The following PDS5A variants were observed in gnomAD, a reference collection of about 807,000 sequenced individuals.
PDS5A encodes PDS5 cohesin associated factor A, also known as sister chromatid cohesion protein PDS5 homolog A.
PDS5A carries 42 observed loss-of-function variants against 167.1 expected under a neutral mutation model. That is an observed-to-expected ratio of 0.25 (90% confidence interval 0.20 to 0.33). The LOEUF is 0.33. Among genes scored for constraint, PDS5A ranks in the 10% least tolerant of loss-of-function variants. The pLI, the probability that PDS5A is intolerant of heterozygous loss-of-function variation, is 1.00. For synonymous variants in PDS5A, 553 were observed against 554.6 expected (o/e 1.00, Z 0.04); for missense variants, 1,033 against 1,605.9 (o/e 0.64, Z 6.10).
intron 2 of PDS5A, among the ~76,000 whole-genome samples, chr4:39,963,561 G>C (rs1319126200): frequency 6.6e-6 from 1 of 151,802 alleles, no homozygotes; most frequent in African/African-American, 2.4e-5. Flanking sequence ...GAAATAAACG[G>C]TTGACTGGGC....
intron 11 of PDS5A, among the ~76,000 whole-genome samples, chr4:39,905,560 C>T (rs1162677021): frequency 6.6e-6 from 1 of 151,288 alleles, no homozygotes; most frequent in Non-Finnish European, 1.5e-5. Context: ...TCTGTCTCAA[C>T]AAAAAAACAA....
At chr4:39,855,332 G>C (rs1229423950) in intron 26 of PDS5A, among the ~76,000 whole-genome samples, 1 of 152,170 alleles carries the variant, frequency 6.6e-6, no homozygotes, top group Non-Finnish European at 1.5e-5. Context: ...CAGAATGGTG[G>C]ACTGCGCCCT....
At position 39,976,446 on chromosome 4, in the gene PDS5A, G is replaced by T; in HGVS notation, c.132C>A (p.Arg44=). 6.2e-7 allele frequency: 1 copy of T among 1,612,196 alleles called. No homozygotes were observed. Residue 44 remains arginine (R), a synonymous_variant, in exon 2 of 33, where the codon CGC becomes CGA. Transcript: ENST00000303538. ...AATCCGTCCAGACACTTACCTTCAG[G>T]CGTTTGATCATCTCGTCCGTGGTGA... is the stretch of plus-strand genomic sequence containing the variant. The part of the protein sequence containing the change: ...DKITTDEMIK[R]LKMVVKTFMD...
At position 39,898,450 on chromosome 4, in the gene PDS5A, C is replaced by T. The variant is rs185272845; in HGVS notation, c.1709G>A (p.Arg570Gln). Reference sequence around the variant, plus strand: ...GCTAATTAATAACTCCAACTGAGACCGAAGTTTCTCATCATCGCCGAGAAC... The same window carrying T: ...GCTAATTAATAACTCCAACTGAGACTGAAGTTTCTCATCATCGCCGAGAAC... ...NQVLGDDEKLRSQLELLISPT... is the reference protein window; with the variant it reads ...NQVLGDDEKLQSQLELLISPT... Residue 570 changes from arginine (R) to glutamine (Q), a missense_variant, in exon 16 of 33, where the codon CGG (arginine) becomes CAG (glutamine). Transcript: ENST00000303538. 94 of 1,598,164 alleles carry T rather than the reference C, an allele frequency of 5.9e-5. No individual in the cohort carries two copies. The East Asian group carries it at 7.2e-4, about 12-fold the overall frequency.
At chr4:39,857,271 G>A (rs934470275) in intron 26 of PDS5A, among the ~76,000 whole-genome samples, 1 of 150,648 alleles carries the variant, frequency 6.6e-6, no homozygotes, top group Admixed American at 6.7e-5. Flanking sequence ...AGAATGGCGT[G>A]AACCCGGGAG....
chr4:39,829,506 G>C (rs1201953059), intron 32 of PDS5A, among the ~76,000 whole-genome samples: 1 of 151,852 alleles, frequency 6.6e-6, no homozygotes, highest in Non-Finnish European at 1.5e-5. Flanking sequence ...AAATTAGCTG[G>C]TGTGGTGGCA....
intron 28 of PDS5A, 116 bp downstream of exon 28, chr4:39,848,735 C>T (rs1000393128): frequency 1.0e-5 from 9 of 895,634 alleles, no homozygotes; most frequent in Non-Finnish European, 1.2e-5. Flanking sequence ...TTTGATAAAC[C>T]CAGATTTTTT....
intron 32 of PDS5A, among the ~76,000 whole-genome samples, chr4:39,835,233 C>T (rs2109476829): frequency 6.6e-6 from 1 of 152,278 alleles, no homozygotes; most frequent in Admixed American, 6.5e-5. Flanking sequence ...GTGTGAGCCA[C>T]CGCACCTGGC....
Position 39,913,703 on chromosome 4 carries a change from T to C in PDS5A, c.900A>G (p.Leu300=). 2 of 1,602,578 alleles carry C rather than the reference T, an allele frequency of 1.2e-6. No individual in the cohort carries two copies. ...KLKSNDGEER[L]AVVRLLAKLF... ...ATTTAGCTAGAAGTCGAACAACAGC[T>C]AATCGCTCTTCTCCATCATTGCTCT... The change falls in exon 9 of 33, where the codon TTA becomes TTG. Residue 300 remains leucine, a synonymous_variant. Transcript: ENST00000303538.
intron 21 of PDS5A, among the ~76,000 whole-genome samples, chr4:39,869,973 G>A (rs1319643330): frequency 1.3e-5 from 2 of 152,060 alleles, no homozygotes; most frequent in Non-Finnish European, 2.9e-5. Flanking sequence ...GTTGGGCATG[G>A]TGGTGCATGC....
intron 22 of PDS5A, among the ~76,000 whole-genome samples, chr4:39,867,775 C>CACACCT: frequency 8.1e-6 from 1 of 122,836 alleles, no homozygotes; most frequent in South Asian, 2.7e-4. Context: ...CACACACACA[C>CACACCT]CCCACAACTG....
rs565016704 is a variant in PDS5A at position 39,836,078 on chromosome 4, C to T, written c.4010+1778G>A. Among the ~76,000 whole-genome samples, 5 of 152,176 alleles carry T rather than the reference C, an allele frequency of 3.3e-5. No homozygotes were observed. The East Asian group carries it at 5.8e-4, about 18-fold the overall frequency. On this transcript the variant is annotated intron_variant, in intron 32 of 32. Coordinates refer to ENST00000303538, the MANE Select transcript of PDS5A (RefSeq NM_001100399.2). ...AACAATAGTAACAATAACAGTTGGG[C>T]GTTTATTTTGTACTAGGCACTTTGC...
chr4:39,857,556 AG>A (rs556242241), intron 26 of PDS5A, among the ~76,000 whole-genome samples: 292 of 152,316 alleles, frequency 1.9e-3, no homozygotes, highest in Non-Finnish European at 3.0e-3. Flanking sequence ...TTAATGTAAA[AG>A]GATGTAAAGA....
rs553886703 is a variant in PDS5A, at chr4:39,915,225, G to A, written c.877-1499C>T. Among the ~76,000 whole-genome samples, 4 of 151,582 alleles carry A rather than the reference G, an allele frequency of 2.6e-5. No homozygotes were observed. The East Asian group carries it at 7.8e-4, about 29-fold the overall frequency. The stretch of plus-strand genomic sequence containing the variant: ...GGCTAATTTTTTATTTTTCTATAGA[G>A]ACAGAATCTTACCATGCTGACAAGG... On this transcript the variant is annotated intron_variant, in intron 8 of 32. Coordinates refer to ENST00000303538, the MANE Select transcript of PDS5A (RefSeq NM_001100399.2).
At chr4:39,932,107 G>A (rs1466387882) in intron 2 of PDS5A, among the ~76,000 whole-genome samples, 1 of 152,010 alleles carries the variant, frequency 6.6e-6, no homozygotes, top group African/African-American at 2.4e-5. Flanking sequence ...TGGCTGGGTT[G>A]GTCTTCAACT....
chr4:39,838,551 A>G (rs534588904), intron 31 of PDS5A, among the ~76,000 whole-genome samples: 1 of 152,138 alleles, frequency 6.6e-6, no homozygotes, highest in Non-Finnish European at 1.5e-5. Flanking sequence ...GTGAGATCCC[A>G]TCTCTACAAA....
intron 29 of PDS5A, among the ~76,000 whole-genome samples, chr4:39,845,344 TA>T (rs1180978738): frequency 6.6e-6 from 1 of 152,162 alleles, no homozygotes; most frequent in Admixed American, 6.5e-5. Flanking sequence ...AAAGTTCCCC[TA>T]AAATATAGCA....
At chr4:39,887,985 CT>C (rs1721626076) in intron 17 of PDS5A, among the ~76,000 whole-genome samples, 1 of 152,168 alleles carries the variant, frequency 6.6e-6, no homozygotes, top group Non-Finnish European at 1.5e-5. Context: ...GGTGCAGTGG[CT>C]CACGCCTGTA....
chr4:39,874,350 G>T lies in PDS5A; in HGVS notation c.2216C>A (p.Ala739Asp). Residue 739 changes from alanine (A) to aspartate (D), a missense_variant, in exon 20 of 33, where the codon GCT (alanine) becomes GAT (aspartate). Ala to Asp is a moderately radical substitution (Grantham distance 126). Coordinates refer to ENST00000303538, the MANE Select transcript of PDS5A (RefSeq NM_001100399.2). Reference protein sequence around the residue: ...KRGTPHQAKQAVHCIHAIFTN... With the variant: ...KRGTPHQAKQDVHCIHAIFTN... ...GAATATGGCGTGTATACAGTGCACAGCCTGTTTTGCTTGGTGTGGAGTACC... is the reference window on the plus strand; with the variant it reads ...GAATATGGCGTGTATACAGTGCACATCCTGTTTTGCTTGGTGTGGAGTACC... 1 of 1,611,886 alleles carries T rather than the reference G, an allele frequency of 6.2e-7. No homozygotes were observed. The highest frequency in any genetic ancestry group is 8.5e-7 in the Non-Finnish European group (1 of 1,178,052).
Sources: allele counts gnomAD v4.1 joint callset (sites outside exome capture counted in the v4.1 genomes callset), GRCh38; gene constraint gnomAD v4.1.1; transcripts MANE v1.5; gene names NCBI Gene and HGNC (gene_info 2026-07-23, HGNC 2026-07-21).